The following GPD1L variants were observed in gnomAD, a reference collection of about 807,000 sequenced individuals.
GPD1L encodes glycerol-3-phosphate dehydrogenase 1-like protein.
GPD1L carries 17 observed loss-of-function variants against 32.9 expected under a neutral mutation model. That is an observed-to-expected ratio of 0.52 (90% confidence interval 0.35 to 0.78). The LOEUF is 0.78. Ranked by LOEUF, GPD1L falls within the 30% of genes least tolerant of loss-of-function variation. GPD1L has a pLI of 0.01. For missense variants in GPD1L, 361 were observed against 447.8 expected (o/e 0.81, Z 1.75); for synonymous variants, 187 against 165.9 (o/e 1.13, Z -0.98).
At chr3:32,127,118 C>T (rs1206521240) in intron 1 of GPD1L, among the ~76,000 whole-genome samples, 1 of 152,156 alleles carries the variant, frequency 6.6e-6, no homozygotes, top group Non-Finnish European at 1.5e-5. Flanking sequence ...CACTTGGCCG[C>T]CCCCGCCTTT....
intron 7 of GPD1L, among the ~76,000 whole-genome samples, chr3:32,160,655 A>C (rs1259842811): frequency 1.3e-5 from 2 of 151,290 alleles, no homozygotes; most frequent in African/African-American, 4.9e-5. Flanking sequence ...GAATGGATGG[A>C]TAGATGGGTG....
intron 5 of GPD1L, among the ~76,000 whole-genome samples, chr3:32,156,458 T>C (rs1190831082): frequency 1.3e-5 from 2 of 152,194 alleles, no homozygotes; most frequent in African/African-American, 4.8e-5. Flanking sequence ...GCTCTCACAT[T>C]ATTGCTCAGG....
At chr3:32,155,356 G>C (rs770061004) in intron 5 of GPD1L, among the ~76,000 whole-genome samples, 1 of 152,182 alleles carries the variant, frequency 6.6e-6, no homozygotes, top group South Asian at 2.1e-4. Flanking sequence ...TGTGTAACTA[G>C]CCTGGGCTGG....
chr3:32,121,299 A>T (rs1413415235), intron 1 of GPD1L, among the ~76,000 whole-genome samples: 13 of 151,200 alleles, frequency 8.6e-5, no homozygotes, highest in Admixed American at 8.6e-4. Flanking sequence ...TTCTAGATAA[A>T]ATCTGTGCCT....
At chr3:32,151,283 A>C (rs1331608193) in intron 5 of GPD1L, 1 of 608,448 alleles carries the variant, frequency 1.6e-6, no homozygotes, top group Non-Finnish European at 3.1e-6. Flanking sequence ...AATATGCTCC[A>C]TACACCCATT....
chr3:32,163,872 T>G (rs1026145733), intron 7 of GPD1L, among the ~76,000 whole-genome samples: 95 of 152,230 alleles, frequency 6.2e-4, no homozygotes, highest in African/African-American at 2.2e-3. Flanking sequence ...AATATGGAGG[T>G]GAACATTATT....
chr3:32,152,690 G>T (rs545138874), intron 5 of GPD1L, among the ~76,000 whole-genome samples: 2 of 152,114 alleles, frequency 1.3e-5, no homozygotes, highest in African/African-American at 4.8e-5. Flanking sequence ...AGTGGCCACC[G>T]AATTTCAACA....
At chr3:32,148,547 A>C (rs1347558270) in intron 5 of GPD1L, among the ~76,000 whole-genome samples, 1 of 152,214 alleles carries the variant, frequency 6.6e-6, no homozygotes, top group East Asian at 1.9e-4. Flanking sequence ...TTGAAAACTG[A>C]GAAACAGGCA....
intron 1 of GPD1L, among the ~76,000 whole-genome samples, chr3:32,126,536 G>A (rs931180204): frequency 6.6e-6 from 1 of 152,218 alleles, no homozygotes; most frequent in Non-Finnish European, 1.5e-5. Flanking sequence ...GAGTACGTGA[G>A]CAGCTGTTTC....
At chr3:32,109,934 T>G (rs1700222859) in intron 1 of GPD1L, among the ~76,000 whole-genome samples, 1 of 152,286 alleles carries the variant, frequency 6.6e-6, no homozygotes, top group South Asian at 2.1e-4. Context: ...TTTGTTTTTC[T>G]TGAGACGGAG....
chr3:32,140,554 C>T (rs1320456424), intron 4 of GPD1L, among the ~76,000 whole-genome samples, 188 bp downstream of exon 4: 3 of 152,170 alleles, frequency 2.0e-5, no homozygotes, highest in Non-Finnish European at 2.9e-5. Flanking sequence ...GTTTCAACAA[C>T]CTCCAGAATG....
intron 7 of GPD1L, 66 bp from the exon 8 acceptor site, chr3:32,165,748 C>T: frequency 1.2e-6 from 1 of 844,732 alleles, no homozygotes; most frequent in Middle Eastern, 2.2e-4. Flanking sequence ...GGACAGAAAA[C>T]CTAACTTATT....
At chr3:32,131,929 T>C (rs60758643) in intron 2 of GPD1L, among the ~76,000 whole-genome samples, 5,058 of 152,328 alleles carry the variant, frequency 0.033, 278 homozygotes, top group African/African-American at 0.12. Flanking sequence ...TCCTAGCGAG[T>C]ATCTCATTCA....
In GPD1L at chr3:32,144,042, A is replaced by G. The variant is rs531134014; in HGVS notation, c.506-2580A>G. 1.6e-4 allele frequency among the ~76,000 whole-genome samples: 25 copies of G among 152,240 alleles called. No homozygotes were observed. The South Asian group carries it at 5.2e-3, about 32-fold the overall frequency. The stretch of plus-strand genomic sequence containing the variant: ...GTGTGGGGTCCTGGATTAGGCAGGG[A>G]GGGTTGCTGTGGAAGACAATGCAGA... On this transcript the variant is annotated intron_variant, in intron 4 of 7. Coordinates refer to ENST00000282541, the MANE Select transcript of GPD1L (RefSeq NM_015141.4).
At chr3:32,160,873 T>C (rs544423290) in intron 7 of GPD1L, among the ~76,000 whole-genome samples, 1 of 151,592 alleles carries the variant, frequency 6.6e-6, no homozygotes, top group South Asian at 2.1e-4. Context: ...ACCATAATCA[T>C]GATGCCAACT....
chr3:32,108,378 G>T (rs1330228045), intron 1 of GPD1L, among the ~76,000 whole-genome samples: 1 of 152,146 alleles, frequency 6.6e-6, no homozygotes, highest in Admixed American at 6.5e-5. Flanking sequence ...GTGGTGGCAG[G>T]CGCCTGTAGT....
chr3:32,154,570 G>A (rs924939173), intron 5 of GPD1L, among the ~76,000 whole-genome samples: 5 of 152,108 alleles, frequency 3.3e-5, no homozygotes, highest in Non-Finnish European at 7.4e-5. Context: ...ACGGTGTGGC[G>A]TGATCTTCTC....
chr3:32,118,980 C>A (rs141449408), intron 1 of GPD1L, among the ~76,000 whole-genome samples: 296 of 152,326 alleles, frequency 1.9e-3, no homozygotes, highest in African/African-American at 6.8e-3. Flanking sequence ...TATCCCATTG[C>A]ATGTGTAGAC....
chr3:32,157,289 G>T (rs189793851), intron 5 of GPD1L, among the ~76,000 whole-genome samples: 1 of 151,740 alleles, frequency 6.6e-6, no homozygotes, highest in African/African-American at 2.4e-5. Flanking sequence ...TCTCGCCCAG[G>T]CTGGAGTGCA....
Sources: allele counts gnomAD v4.1 joint callset (sites outside exome capture counted in the v4.1 genomes callset), GRCh38; gene constraint gnomAD v4.1.1; transcripts MANE v1.5; gene names NCBI Gene and HGNC (gene_info 2026-07-23, HGNC 2026-07-21).